Variants in CSMD1 observed in about 807,000 individuals in gnomAD.
The protein encoded by CSMD1 is CUB and Sushi multiple domains 1, also known as CUB and sushi domain-containing protein 1.
Under a neutral mutation model 417.5 loss-of-function variants are expected in CSMD1, and 213 were observed. The ratio of observed to expected loss-of-function variants is 0.51; its 90% CI spans 0.46 to 0.57. CSMD1 has a LOEUF of 0.57. CSMD1 is among the 20% of genes least tolerant of loss of function. CSMD1 has a pLI of 0.00. For synonymous variants in CSMD1, 2,862 were observed against 1,736.8 expected, an observed-to-expected ratio of 1.65 and a Z score of -16.11; for missense variants, 6,923 against 4,529.7, an observed-to-expected ratio of 1.53 and a Z score of -15.17.
intron 1 of CSMD1, among the ~76,000 whole-genome samples, chr8:4,976,016 C>A (rs955795339): frequency 6.6e-6 from 1 of 152,146 alleles, no homozygotes; most frequent in Non-Finnish European, 1.5e-5. Flanking sequence ...CTGGTTTGGA[C>A]TGGAGCTTTT....
intron 3 of CSMD1, among the ~76,000 whole-genome samples, chr8:4,095,632 T>C (rs1411837090): frequency 6.6e-6 from 1 of 152,208 alleles, no homozygotes; most frequent in Non-Finnish European, 1.5e-5. Flanking sequence ...GCGTGTGTTA[T>C]AGAAGAGAAA....
intron 4 of CSMD1, among the ~76,000 whole-genome samples, chr8:4,031,480 C>A (rs889195959): frequency 1.3e-5 from 2 of 152,102 alleles, no homozygotes; most frequent in African/African-American, 2.4e-5. Context: ...GAAACACTTA[C>A]CCCCATGATT....
At chr8:4,303,482 G>T (rs1459580654) in intron 3 of CSMD1, among the ~76,000 whole-genome samples, 2 of 95,820 alleles carry the variant, frequency 2.1e-5, no homozygotes, top group Admixed American at 1.7e-4. Flanking sequence ...AGCTCATGTT[G>T]ATTTTCAATC....
chr8:3,437,961 G>A (rs1018022990), intron 12 of CSMD1, among the ~76,000 whole-genome samples: 1 of 151,932 alleles, frequency 6.6e-6, no homozygotes, highest in African/African-American at 2.4e-5. Flanking sequence ...GGCTCATCTC[G>A]AACTGCTGAC....
chr8:4,024,293 A>G (rs894059904), intron 4 of CSMD1, among the ~76,000 whole-genome samples: 2 of 152,236 alleles, frequency 1.3e-5, no homozygotes, highest in African/African-American at 4.8e-5. Flanking sequence ...ATGAAGAATA[A>G]TGTAAACAAA....
chr8:3,849,352 G>A (rs770850508), intron 5 of CSMD1, among the ~76,000 whole-genome samples: 1 of 152,072 alleles, frequency 6.6e-6, no homozygotes, highest in Non-Finnish European at 1.5e-5. Context: ...AGTGGAGAGA[G>A]GTGGGGTCCA....
At chr8:3,959,840 A>C (rs1812204140) in intron 5 of CSMD1, among the ~76,000 whole-genome samples, 1 of 152,214 alleles carries the variant, frequency 6.6e-6, no homozygotes, top group Non-Finnish European at 1.5e-5. Flanking sequence ...AGTGATGTAG[A>C]GAAAAACTTT....
At chr8:4,773,005 C>A (rs1796675044) in intron 1 of CSMD1, among the ~76,000 whole-genome samples, 1 of 152,104 alleles carries the variant, frequency 6.6e-6, no homozygotes, top group Non-Finnish European at 1.5e-5. Context: ...TAGCACTGAC[C>A]AATTAACAAG....
chr8:3,291,410 C>A (rs1403695724), intron 25 of CSMD1, among the ~76,000 whole-genome samples: 1 of 152,116 alleles, frequency 6.6e-6, no homozygotes, highest in Non-Finnish European at 1.5e-5. Flanking sequence ...GGTAGCAGCT[C>A]CTTTTTGTAC....
intron 3 of CSMD1, among the ~76,000 whole-genome samples, chr8:4,245,105 G>A (rs915581651): frequency 6.6e-6 from 1 of 152,136 alleles, no homozygotes; most frequent in Non-Finnish European, 1.5e-5. Flanking sequence ...CGACCCTCAA[G>A]ATTTTCAATA....
At chr8:4,725,417 A>T (rs1809362775) in intron 1 of CSMD1, among the ~76,000 whole-genome samples, 1 of 152,166 alleles carries the variant, frequency 6.6e-6, no homozygotes, top group Admixed American at 6.5e-5. Context: ...AACAAAGTAG[A>T]TTATTTATGG....
At chr8:4,291,037 C>G (rs1348826209) in intron 3 of CSMD1, among the ~76,000 whole-genome samples, 2 of 151,752 alleles carry the variant, frequency 1.3e-5, no homozygotes, top group African/African-American at 4.8e-5. Flanking sequence ...TTCTTTGTAC[C>G]CTAGTGTAAA....
chr8:3,261,613 T>C (rs1426678295), intron 26 of CSMD1, among the ~76,000 whole-genome samples: 1 of 152,030 alleles, frequency 6.6e-6, no homozygotes. Flanking sequence ...CCTTCGGCGG[T>C]GAGTGATTAA....
At chr8:3,229,306 G>A (rs1194394944) in intron 27 of CSMD1, among the ~76,000 whole-genome samples, 1 of 152,078 alleles carries the variant, frequency 6.6e-6, no homozygotes, top group Non-Finnish European at 1.5e-5. Flanking sequence ...AAATAATAAA[G>A]TTCAGTAGTT....
In CSMD1 at chr8:4,737,123, G is replaced by C. The variant is rs906198703; in HGVS notation, c.86-99565C>G. ...TGATAGACTGAATAAAGAAAATGTG[G>C]TACATCCATACCATGGAATATTATG... On this transcript the variant is annotated intron_variant, in intron 1 of 69. Transcript: ENST00000635120. Among the ~76,000 whole-genome samples, 9 of 151,946 alleles carry C rather than the reference G, an allele frequency of 5.9e-5. No homozygotes were observed. The East Asian group carries it at 1.7e-3, about 29-fold the overall frequency.
intron 1 of CSMD1, among the ~76,000 whole-genome samples, chr8:4,721,046 C>G (rs1026731652): frequency 1.3e-5 from 2 of 152,078 alleles, no homozygotes; most frequent in Admixed American, 6.6e-5. Context: ...ATTCATAAAA[C>G]CACTCTAATA....
In CSMD1 at chr8:3,353,863, C is replaced by G. The variant is rs189363389; in HGVS notation, c.3304+5289G>C. On this transcript the variant is annotated intron_variant, in intron 21 of 69. Coordinates refer to ENST00000635120, the MANE Select transcript of CSMD1 (RefSeq NM_033225.6). ...CTTAGATTTTTGCAATTGAATGAAA[C>G]TAATTAAAATGAAATTAACACAGAA... is the stretch of plus-strand genomic sequence containing the variant. Among the ~76,000 whole-genome samples the G allele has an allele frequency of 2.6e-5, 4 of 152,194 alleles. No individual in the cohort carries two copies. In the East Asian group the frequency reaches 7.7e-4, roughly 29 times the overall value.
chr8:4,597,074 T>C (rs1050627715), intron 2 of CSMD1, among the ~76,000 whole-genome samples: 1 of 151,668 alleles, frequency 6.6e-6, no homozygotes, highest in African/African-American at 2.4e-5. Flanking sequence ...GGTATGTCTT[T>C]TTCAGCAGCA....
chr8:4,652,886 G>C (rs1339673592), intron 1 of CSMD1, among the ~76,000 whole-genome samples: 1 of 151,442 alleles, frequency 6.6e-6, no homozygotes, highest in Non-Finnish European at 1.5e-5. Context: ...GCTCCTGTAA[G>C]AATCTAACGC....
Sources: allele counts gnomAD v4.1 joint callset (sites outside exome capture counted in the v4.1 genomes callset), GRCh38; gene constraint gnomAD v4.1.1; transcripts MANE v1.5; gene names NCBI Gene and HGNC (gene_info 2026-07-23, HGNC 2026-07-21).